CHD4: variants seen among roughly 807,000 people sequenced by gnomAD.
CHD4 encodes the protein chromodomain helicase DNA binding protein 4.
CHD4 carries 35 observed loss-of-function variants against 235.5 expected under a neutral mutation model. That is an observed-to-expected ratio of 0.15 (90% CI 0.11 to 0.20). CHD4 has a LOEUF of 0.20. CHD4 is among the 10% of genes least tolerant of loss of function. The probability of loss-of-function intolerance (pLI) is 1.00; values close to 1 mark genes in which losing one functional copy is unlikely to be tolerated. For missense variants in CHD4, 1,329 were observed against 2,432.3 expected (o/e 0.55, Z 9.54); for synonymous variants, 900 against 850.2 (o/e 1.06, Z -1.02).
At position 6,593,252 on chromosome 12, in the gene CHD4, AC is replaced by A. The variant is rs1196794614; in HGVS notation, c.2515-25del. The A allele has an allele frequency of 6.2e-7, 1 of 1,613,828 alleles. No homozygotes were observed. The highest frequency in any genetic ancestry group is 1.7e-5 in the Admixed American group (1 of 60,028). On this transcript the variant is annotated intron_variant, in intron 16 of 39. Coordinates refer to ENST00000544040, the MANE Select transcript of CHD4 (RefSeq NM_001273.5). The surrounding 1 kb of genome is among the most constrained non-coding windows in gnomAD (Gnocchi z 4.9). ...TTCTGCACATGAAGGCAACTTGGTC[AC>A]TACTAGTCAGTTCCTCTGTGTAAGC... is the stretch of plus-strand genomic sequence containing the variant.
At position 6,601,061 on chromosome 12, in the gene CHD4, C is replaced by T. The variant is rs368067995; in HGVS notation, c.800-8G>A. The stretch of plus-strand genomic sequence containing the variant: ...TCCTCCGAGCATTGGGACCTAAAAT[C>T]AGGATATATCCAAATATATACCACA... On this transcript the variant is annotated splice_polypyrimidine_tract_variant and splice_region_variant and intron_variant, in intron 6 of 39. Coordinates refer to ENST00000544040, the MANE Select transcript of CHD4 (RefSeq NM_001273.5). 6.4e-6 allele frequency: 10 copies of T among 1,559,002 alleles called. No homozygotes were observed. The highest frequency in any genetic ancestry group is 8.6e-6 in the Non-Finnish European group (10 of 1,156,862).
intron 14 of CHD4, 59 bp from the exon 15 acceptor site, chr12:6,594,709 G>C (rs1012393970): frequency 1.3e-6 from 2 of 1,487,796 alleles, no homozygotes; most frequent in East Asian, 2.3e-5. Flanking sequence ...TCCCCTAATA[G>C]AGCAGCTGCT....
At position 6,577,758 on chromosome 12, in the gene CHD4, G is replaced by A. The variant is rs74470219; in HGVS notation, c.5361+27C>T. On this transcript the variant is annotated intron_variant, in intron 37 of 39. Coordinates refer to ENST00000544040, the MANE Select transcript of CHD4 (RefSeq NM_001273.5). Reference sequence around the variant, plus strand: ...ACGCACTTTCAAGTTTGTCACTTAAGCAATATATTCCTCCCCAACCGCTCA... The same window carrying A: ...ACGCACTTTCAAGTTTGTCACTTAAACAATATATTCCTCCCCAACCGCTCA... 7.5e-3 allele frequency: 12,157 copies of A among 1,612,868 alleles called. 110 individuals are homozygous for A. The highest frequency in any genetic ancestry group is 7.4e-3 in the Non-Finnish European group (8,720 of 1,179,190).
chr12:6,604,284 A>C (rs1734114), intron 2 of CHD4, among the ~76,000 whole-genome samples: 6 of 151,862 alleles, frequency 4.0e-5, no homozygotes, highest in African/African-American at 1.5e-4. Context: ...AAAAATAAAA[A>C]AGAAAATAAT....
Position 6,600,868 on chromosome 12 carries a change from G to A in CHD4, c.927+58C>T, listed in dbSNP as rs1029095238. On this transcript the variant is annotated intron_variant, in intron 7 of 39. Coordinates refer to ENST00000544040, the MANE Select transcript of CHD4 (RefSeq NM_001273.5). ...TATGAAGGACAGGTTCTGATAGAAG[G>A]TCACATCCTTTCTATTAGACATGGC... 3.9e-6 allele frequency: 6 copies of A among 1,529,944 alleles called. No homozygotes were observed. In the East Asian group the frequency reaches 6.8e-5, roughly 17 times the overall value. The allele number at this position is 1,529,944 out of a possible 1,614,324, so 94.8% of individuals were successfully genotyped here. A position where few individuals can be genotyped will look rare whatever the true frequency, so the allele number is the denominator to read the frequency against.
At chr12:6,571,207 C>A in intron 38 of CHD4, 175 bp from the exon 39 acceptor site, 1 of 694,488 alleles carries the variant, frequency 1.4e-6, no homozygotes, top group Non-Finnish European at 2.4e-6. Context: ...ATTCCAGTTC[C>A]AACTGTCCAT....
At chr12:6,594,383 C>G in intron 15 of CHD4, 76 bp downstream of exon 15, 1 of 1,378,376 alleles carries the variant, frequency 7.3e-7, no homozygotes, top group Non-Finnish European at 9.9e-7. Flanking sequence ...ATTCCCTTAT[C>G]TCTCTACTCA....
At chr12:6,601,260 C>A (rs755735901) in intron 6 of CHD4, 29 bp downstream of exon 6, 6 of 1,608,572 alleles carry the variant, frequency 3.7e-6, no homozygotes, top group Non-Finnish European at 5.1e-6. Context: ...ACACTAGACA[C>A]CCCCACTCCC....
chr12:6,573,359 C>G, intron 37 of CHD4, 90 bp from the exon 38 acceptor site: 1 of 1,101,860 alleles, frequency 9.1e-7, no homozygotes, highest in Non-Finnish European at 1.2e-6. Flanking sequence ...CTCATTGTTT[C>G]AGATGGTAAT....
At position 6,591,439 on chromosome 12, in the gene CHD4, G is replaced by A. The variant is rs199667187; in HGVS notation, c.3340+27C>T. ...AAGATATAAGCAAATGAGGATTCCTGAAACTAAACAACTCCTTCTCTCTCA... is the reference window on the plus strand; with the variant it reads ...AAGATATAAGCAAATGAGGATTCCTAAAACTAAACAACTCCTTCTCTCTCA... On this transcript the variant is annotated intron_variant, in intron 22 of 39. Coordinates refer to ENST00000544040, the MANE Select transcript of CHD4 (RefSeq NM_001273.5). 537 of 1,575,866 alleles carry A rather than the reference G, an allele frequency of 3.4e-4. 3 individuals are homozygous for A. The African/African-American group carries it at 4.8e-3, about 14-fold the overall frequency.
intron 25 of CHD4, among the ~76,000 whole-genome samples, chr12:6,585,475 G>C (rs928120297): frequency 4.6e-5 from 7 of 151,726 alleles, no homozygotes; most frequent in Admixed American, 4.6e-4. Flanking sequence ...GTAGAGACGG[G>C]GTTTCATCGT....
chr12:6,593,028 TGAATTG>T lies in CHD4; in HGVS notation c.2652+57_2652+62del. On this transcript the variant is annotated intron_variant, in intron 17 of 39. Transcript: ENST00000544040. The surrounding 1 kb of genome is among the most constrained non-coding windows in gnomAD (Gnocchi z 4.9). ...CTCCATCTACAAGTTTTCCCCTTAATGAATTGGTAGTACTAGAAAAAACCCAAAGTG... is the reference window on the plus strand; with the variant it reads ...CTCCATCTACAAGTTTTCCCCTTAATGTAGTACTAGAAAAAACCCAAAGTG... 6.3e-7 allele frequency: 1 copy of T among 1,593,004 alleles called. No homozygotes were observed. The highest frequency in any genetic ancestry group is 1.1e-5 in the South Asian group (1 of 90,322).
At chr12:6,584,233 CA>C in intron 25 of CHD4, 1 of 151,960 alleles carries the variant, frequency 6.6e-6, no homozygotes, top group South Asian at 2.1e-4. Context: ...TCTTTGGGTA[CA>C]TATATGTGAG....
intron 1 of CHD4, 109 bp from the exon 2 acceptor site, chr12:6,606,560 C>A (rs1948704688): frequency 4.0e-6 from 2 of 498,196 alleles, no homozygotes; most frequent in Admixed American, 4.2e-5. Context: ...CCTAGCAGGG[C>A]ACCCGAACCG....
rs1947947737 is a variant in CHD4, at chr12:6,570,616, G to A, written c.*60C>T. ...TCTCAGGCCCCCAGGGGAGAAGCTG[G>A]GACAAGAGAAAGTGAGGAAGGTCAC... On this transcript the variant is annotated 3_prime_UTR_variant, in exon 40 of 40. Coordinates refer to ENST00000544040, the MANE Select transcript of CHD4 (RefSeq NM_001273.5). 1 of 1,609,610 alleles carries A rather than the reference G, an allele frequency of 6.2e-7. No individual in the cohort carries two copies. The highest frequency in any genetic ancestry group is 1.7e-5 in the Admixed American group (1 of 59,954).
At position 6,593,253 on chromosome 12, in the gene CHD4, C is replaced by CTA. The variant is rs1257723604; in HGVS notation, c.2515-27_2515-26dup. On this transcript the variant is annotated intron_variant, in intron 16 of 39. Coordinates refer to ENST00000544040, the MANE Select transcript of CHD4 (RefSeq NM_001273.5). This position sits in a 1 kb window ranked among gnomAD's most constrained non-coding sequence, Gnocchi z 4.9. ...TCTGCACATGAAGGCAACTTGGTCA[C>CTA]TACTAGTCAGTTCCTCTGTGTAAGC... The CTA allele has an allele frequency of 6.2e-7, 1 of 1,613,782 alleles. No individual in the cohort carries two copies. Among genetic ancestry groups the CTA allele is most frequent in the South Asian group, 1.1e-5 (1 of 91,080 alleles).
At chr12:6,588,135 A>G (rs943505157) in intron 23 of CHD4, among the ~76,000 whole-genome samples, 163 bp downstream of exon 23, 2 of 152,222 alleles carry the variant, frequency 1.3e-5, no homozygotes, top group Non-Finnish European at 2.9e-5. Context: ...AAATAGGATC[A>G]CAGCTAACCA....
chr12:6,601,033 G>C lies in CHD4; in HGVS notation c.820C>G (p.Pro274Ala). 6.3e-7 allele frequency: 1 copy of C among 1,585,944 alleles called. No individual in the cohort carries two copies. The highest frequency in any genetic ancestry group is 1.7e-4 in the Middle Eastern group (1 of 5,914). ...TCAGGTACACGAGGGCTGCCCTTGG[G>C]CTTCCTCCGAGCATTGGGACCTAAA... is the stretch of plus-strand genomic sequence containing the variant. ...EGKGPNARRK[P>A]KGSPRVPDAK... is the part of the protein sequence containing the mutation. The change falls in exon 7 of 40, where the codon CCC becomes GCC. Residue 274 changes from proline (P) to alanine (A), a missense_variant. Coordinates refer to ENST00000544040, the MANE Select transcript of CHD4 (RefSeq NM_001273.5).
chr12:6,592,921 T>C, intron 17 of CHD4, 104 bp from the exon 18 acceptor site: 1 of 1,514,554 alleles, frequency 6.6e-7, no homozygotes, highest in Non-Finnish European at 8.9e-7. Flanking sequence ...AGCATCCCAC[T>C]CCTCACATTC....
Sources: gnomAD v4.1 joint callset for allele counts (sites outside exome capture counted in the v4.1 genomes callset) on GRCh38, gnomAD v4.1.1 for gene constraint, Gnocchi (gnomAD v3.1) non-coding constraint, MANE v1.5 for transcripts, NCBI Gene and HGNC (gene_info 2026-07-23, HGNC 2026-07-21) for gene names.